Variants in NUTF2 observed in about 807,000 individuals in gnomAD.
The protein encoded by NUTF2 is nuclear transport factor 2, also known as placental protein 15.
NUTF2 carries 3 observed loss-of-function variants against 18.5 expected under a neutral mutation model. That is an observed-to-expected ratio of 0.16 (90% CI 0.07 to 0.42). The LOEUF (loss-of-function observed/expected upper bound fraction) is 0.42. NUTF2 is among the 10% of genes least tolerant of loss of function. The pLI, the probability that NUTF2 is intolerant of heterozygous loss-of-function variation, is 0.99. For missense variants in NUTF2, 44 were observed against 160.7 expected (o/e 0.27, Z 3.93); for synonymous variants, 51 against 57.9 (o/e 0.88, Z 0.54).
chr16:67,862,921 A>T (rs1275875083), intron 1 of NUTF2, among the ~76,000 whole-genome samples: 1 of 152,156 alleles, frequency 6.6e-6, no homozygotes, highest in Admixed American at 6.5e-5. Flanking sequence ...CCAAGGGTAG[A>T]AGGAGATGTG....
intron 1 of NUTF2, among the ~76,000 whole-genome samples, chr16:67,860,222 G>T (rs576693426): frequency 6.6e-6 from 1 of 152,098 alleles, no homozygotes; most frequent in Non-Finnish European, 1.5e-5. Flanking sequence ...CCTGTGATCC[G>T]CCCACCTTGG....
At chr16:67,862,198 A>T (rs2057939490) in intron 1 of NUTF2, among the ~76,000 whole-genome samples, 1 of 152,152 alleles carries the variant, frequency 6.6e-6, no homozygotes, top group Admixed American at 6.6e-5. Context: ...GTTAGCAGAA[A>T]AAAGAGACGG....
chr16:67,864,276 C>T (rs2057953999), intron 1 of NUTF2, among the ~76,000 whole-genome samples: 1 of 152,246 alleles, frequency 6.6e-6, no homozygotes, highest in Non-Finnish European at 1.5e-5. Context: ...TTTGGGAGGC[C>T]AAGGCGGGTG....
intron 1 of NUTF2, among the ~76,000 whole-genome samples, chr16:67,850,661 T>C (rs888250423): frequency 2.0e-5 from 3 of 152,180 alleles, no homozygotes; most frequent in African/African-American, 4.8e-5. Context: ...GCATCCTCTA[T>C]TCATGTAGGG....
At chr16:67,855,974 T>C in intron 1 of NUTF2, 1 of 1,223,168 alleles carries the variant, frequency 8.2e-7, no homozygotes, top group Non-Finnish European at 1.2e-6. Flanking sequence ...CTGGAACTGC[T>C]TCTTGGTGCC....
At chr16:67,854,142 G>C (rs1394719379) in intron 1 of NUTF2, among the ~76,000 whole-genome samples, 1 of 152,206 alleles carries the variant, frequency 6.6e-6, no homozygotes, top group African/African-American at 2.4e-5. Context: ...GTAAAGATGG[G>C]GTTTCACCAT....
intron 1 of NUTF2, among the ~76,000 whole-genome samples, chr16:67,854,188 G>A (rs1259477024): frequency 6.6e-6 from 1 of 152,138 alleles, no homozygotes; most frequent in Non-Finnish European, 1.5e-5. Context: ...TGAACTCTTG[G>A]TCTGCCCGCC....
chr16:67,848,408 G>A (rs1004005595), intron 1 of NUTF2, among the ~76,000 whole-genome samples: 1 of 152,152 alleles, frequency 6.6e-6, no homozygotes, highest in African/African-American at 2.4e-5. Flanking sequence ...CATGGCAAAA[G>A]CGCATCTCTA....
At chr16:67,853,556 T>C (rs1000000842) in intron 1 of NUTF2, among the ~76,000 whole-genome samples, 17 of 152,038 alleles carry the variant, frequency 1.1e-4, no homozygotes, top group African/African-American at 4.1e-4. Context: ...CAGGGTTTCA[T>C]CATATTGGCC....
chr16:67,853,386 C>G (rs2057874142), intron 1 of NUTF2, among the ~76,000 whole-genome samples: 1 of 152,056 alleles, frequency 6.6e-6, no homozygotes, highest in African/African-American at 2.4e-5. Context: ...GAGACGGAGT[C>G]TCACTCTGTC....
chr16:67,856,216 A>C, intron 1 of NUTF2: 1 of 264,066 alleles, frequency 3.8e-6, no homozygotes, highest in Non-Finnish European at 7.4e-6. Context: ...GTTTTTTGAG[A>C]CAGTCTCGCT....
chr16:67,868,272 CT>C, intron 2 of NUTF2, 67 bp from the exon 3 acceptor site: 1 of 1,451,630 alleles, frequency 6.9e-7, no homozygotes. Flanking sequence ...TTTTCAGAGT[CT>C]TTCCAGGGCC....
intron 1 of NUTF2, among the ~76,000 whole-genome samples, chr16:67,850,427 C>T (rs59288137): frequency 3.3e-5 from 5 of 151,576 alleles, no homozygotes; most frequent in East Asian, 2.0e-4. Context: ...AGGATGGTCT[C>T]GATCTCCTGA....
chr16:67,864,116 A>C (rs193096093), intron 1 of NUTF2, among the ~76,000 whole-genome samples: 6 of 152,284 alleles, frequency 3.9e-5, no homozygotes, highest in Admixed American at 3.3e-4. Flanking sequence ...ACTCCCATCA[A>C]TGAAGAAATA....
intron 1 of NUTF2, chr16:67,855,851 C>T: frequency 2.4e-6 from 1 of 410,064 alleles, no homozygotes; most frequent in Non-Finnish European, 4.5e-6. Context: ...AAGACAAGGC[C>T]TGGGCTGCAT....
At chr16:67,870,662 C>A (rs2058005133) in intron 4 of NUTF2, 138 bp from the exon 5 acceptor site, 2 of 724,858 alleles carry the variant, frequency 2.8e-6, no homozygotes, top group Non-Finnish European at 5.0e-6. Flanking sequence ...ACAAGTACCC[C>A]TTGGCTACAC....
chr16:67,849,037 C>T (rs2057831607), intron 1 of NUTF2, among the ~76,000 whole-genome samples: 1 of 152,194 alleles, frequency 6.6e-6, no homozygotes, highest in African/African-American at 2.4e-5. Context: ...GAATGCTGCT[C>T]AGATTTTACC....
intron 1 of NUTF2, among the ~76,000 whole-genome samples, chr16:67,860,753 G>A (rs1399342409): frequency 6.6e-6 from 1 of 152,200 alleles, no homozygotes; most frequent in African/African-American, 2.4e-5. Context: ...ATTCCCTGTG[G>A]GCTTCAGCAG....
chr16:67,847,527 G>T (rs978973403), intron 1 of NUTF2: 1 of 152,434 alleles, frequency 6.6e-6, no homozygotes, highest in Non-Finnish European at 1.5e-5. Flanking sequence ...CCCGGCCGGG[G>T]TGTAGGTGAA....
Sources: gnomAD v4.1 joint callset for allele counts (sites outside exome capture counted in the v4.1 genomes callset) on GRCh38, gnomAD v4.1.1 for gene constraint, MANE v1.5 for transcripts, NCBI Gene and HGNC (gene_info 2026-07-23, HGNC 2026-07-21) for gene names.